Variants in ASAP1 observed in about 807,000 individuals in gnomAD.
ASAP1 encodes the protein ArfGAP with SH3 domain, ankyrin repeat and PH domain 1, also known as arf-GAP with SH3 domain, ANK repeat and PH domain-containing protein 1.
A neutral mutation model predicts 145.2 loss-of-function variants in ASAP1; 43 were observed. The observed-to-expected ratio is 0.30, with a 90% CI of 0.23 to 0.38. The LOEUF (loss-of-function observed/expected upper bound fraction) is 0.38. Among genes scored for constraint, ASAP1 ranks in the 10% least tolerant of loss-of-function variants. ASAP1 has a pLI of 1.00. For synonymous variants in ASAP1, 546 were observed against 515.5 expected (o/e 1.06, Z -0.80); for missense variants, 1,018 against 1,355.3 (o/e 0.75, Z 3.91).
chr8:130,196,677 T>G (rs1815512654), intron 5 of ASAP1, among the ~76,000 whole-genome samples: 1 of 152,194 alleles, frequency 6.6e-6, no homozygotes, highest in Non-Finnish European at 1.5e-5. Context: ...TGACATTCCC[T>G]CTCCACTGCC....
At chr8:130,108,317 T>C (rs913993932) in intron 24 of ASAP1, among the ~76,000 whole-genome samples, 5 of 152,222 alleles carry the variant, frequency 3.3e-5, no homozygotes, top group South Asian at 2.1e-4. Context: ...GCTTCAGGAA[T>C]AGATGGGAAT....
At chr8:130,421,621 G>T (rs1356400922) in intron 1 of ASAP1, among the ~76,000 whole-genome samples, 1 of 152,168 alleles carries the variant, frequency 6.6e-6, no homozygotes, top group East Asian at 1.9e-4. Flanking sequence ...AGCTCCAGGG[G>T]GCAGCAGGGC....
At chr8:130,128,439 G>C (rs900798467) in intron 15 of ASAP1, among the ~76,000 whole-genome samples, 1 of 152,052 alleles carries the variant, frequency 6.6e-6, no homozygotes, top group African/African-American at 2.4e-5. Context: ...GGAATGGAGA[G>C]GACTCAATGA....
At chr8:130,204,745 A>G (rs1295408954) in intron 5 of ASAP1, among the ~76,000 whole-genome samples, 1 of 152,224 alleles carries the variant, frequency 6.6e-6, no homozygotes, top group African/African-American at 2.4e-5. Context: ...GTTGCTAAGC[A>G]GAACAGATCC....
intron 29 of ASAP1, 43 bp downstream of exon 29, chr8:130,057,911 C>A (rs1405860900): frequency 6.2e-7 from 1 of 1,606,034 alleles, no homozygotes; most frequent in Non-Finnish European, 8.5e-7. Flanking sequence ...CCCAGGCATG[C>A]TGTATGAATG....
At chr8:130,306,644 G>C (rs933234202) in intron 3 of ASAP1, among the ~76,000 whole-genome samples, 1 of 152,162 alleles carries the variant, frequency 6.6e-6, no homozygotes, top group Admixed American at 6.5e-5. Flanking sequence ...TCAGCTCTCT[G>C]CATAAGGTTA....
At chr8:130,076,037 G>GGT (rs529328135) in intron 27 of ASAP1, among the ~76,000 whole-genome samples, 146 of 152,276 alleles carry the variant, frequency 9.6e-4, no homozygotes, top group Non-Finnish European at 1.7e-3. Flanking sequence ...TGGTAGAGCT[G>GGT]GTGTTGGTTC....
chr8:130,376,661 G>T (rs1424002601), intron 2 of ASAP1, among the ~76,000 whole-genome samples: 1 of 152,048 alleles, frequency 6.6e-6, no homozygotes, highest in Non-Finnish European at 1.5e-5. Context: ...GGGAGTCAGG[G>T]GTTGCAGTGA....
chr8:130,128,191 T>A, intron 15 of ASAP1, 101 bp from the exon 16 acceptor site: 15 of 821,202 alleles, frequency 1.8e-5, no homozygotes, highest in Admixed American at 4.1e-5. Context: ...AAAATCTACT[T>A]TTGTCAAGTA....
intron 29 of ASAP1, among the ~76,000 whole-genome samples, chr8:130,055,972 A>G (rs1332983499): frequency 6.6e-6 from 1 of 152,204 alleles, no homozygotes; most frequent in Non-Finnish European, 1.5e-5. Flanking sequence ...CTGGCGAGGC[A>G]CGTAATGGTG....
chr8:130,427,825 G>A (rs1316934772), intron 1 of ASAP1: 1 of 152,240 alleles, frequency 6.6e-6, no homozygotes, highest in Non-Finnish European at 1.5e-5. Context: ...AACACAACCT[G>A]GAGGTGAAGG....
At chr8:130,102,288 T>G (rs889448700) in intron 24 of ASAP1, among the ~76,000 whole-genome samples, 3 of 152,258 alleles carry the variant, frequency 2.0e-5, no homozygotes, top group African/African-American at 7.2e-5. Context: ...CCTAATTTAT[T>G]GAAGGTTTTT....
At chr8:130,137,277 C>T (rs1467386479) in intron 13 of ASAP1, among the ~76,000 whole-genome samples, 2 of 152,150 alleles carry the variant, frequency 1.3e-5, no homozygotes, top group Non-Finnish European at 2.9e-5. Flanking sequence ...TTTTATTTAT[C>T]CCAGTTGAAT....
rs2097682041 is a variant in ASAP1 at position 130,167,349 on chromosome 8, C to T, written c.909+187G>A. The T allele has an allele frequency of 1.4e-5, 10 of 731,542 alleles. No homozygotes were observed. The Admixed American group carries it at 1.9e-4, about 14-fold the overall frequency. The allele number at this position is 731,542 out of a possible 1,614,324, so 45.3% of individuals were successfully genotyped here. ...AAATCCAGAGTCATGGAATTGGATACCCAGAACATCTTTCCTATAAGCAAG... is the reference window on the plus strand; with the variant it reads ...AAATCCAGAGTCATGGAATTGGATATCCAGAACATCTTTCCTATAAGCAAG... On this transcript the variant is annotated intron_variant, in intron 11 of 29. Transcript: ENST00000518721.
In ASAP1 at chr8:130,165,472, C is replaced by T. The variant is rs1394811198; in HGVS notation, c.909+2064G>A. On this transcript the variant is annotated intron_variant, in intron 11 of 29. Coordinates refer to ENST00000518721, the MANE Select transcript of ASAP1 (RefSeq NM_018482.4). Reference sequence around the variant, plus strand: ...ATCATTCAAAGAGACCACATTTCTCCTAGGATTTATGTGTCAGTAATAAGC... The same window carrying T: ...ATCATTCAAAGAGACCACATTTCTCTTAGGATTTATGTGTCAGTAATAAGC... Among the ~76,000 whole-genome samples the T allele has an allele frequency of 2.6e-5, 4 of 152,184 alleles. No homozygotes were observed. In the East Asian group the frequency reaches 7.7e-4, roughly 29 times the overall value.
intron 4 of ASAP1, among the ~76,000 whole-genome samples, chr8:130,235,826 A>C (rs1056194746): frequency 1.8e-4 from 28 of 152,162 alleles, no homozygotes; most frequent in African/African-American, 6.3e-4. Flanking sequence ...GGAAGGCCAT[A>C]AAGTACCTGA....
At chr8:130,265,708 C>T (rs141413545) in intron 3 of ASAP1, among the ~76,000 whole-genome samples, 149 of 152,142 alleles carry the variant, frequency 9.8e-4, no homozygotes, top group African/African-American at 3.4e-3. Flanking sequence ...ATGGCAAAAC[C>T]CTGTCTCGCT....
chr8:130,414,121 A>T (rs1829377372), intron 1 of ASAP1, among the ~76,000 whole-genome samples: 1 of 152,234 alleles, frequency 6.6e-6, no homozygotes, highest in Non-Finnish European at 1.5e-5. Context: ...TTGAGGATGA[A>T]CAGGAGTACA....
intron 3 of ASAP1, chr8:130,247,016 G>C (rs1050662057): frequency 2.0e-5 from 3 of 152,170 alleles, no homozygotes; most frequent in Non-Finnish European, 2.9e-5. Flanking sequence ...CTACCATCTT[G>C]AGAGGTGTAA....
Sources: gnomAD v4.1 joint callset for allele counts (sites outside exome capture counted in the v4.1 genomes callset) on GRCh38, gnomAD v4.1.1 for gene constraint, MANE v1.5 for transcripts, NCBI Gene and HGNC (gene_info 2026-07-23, HGNC 2026-07-21) for gene names.